The following TENM2 variants were observed in gnomAD, a reference collection of about 807,000 sequenced individuals.
TENM2 encodes teneurin-2.
A neutral mutation model predicts 245.2 loss-of-function variants in TENM2; 52 were observed. That is an observed-to-expected ratio of 0.21 (90% CI 0.17 to 0.27). TENM2 has a LOEUF of 0.27. Among genes scored for constraint, TENM2 ranks in the 10% least tolerant of loss-of-function variants. The pLI is 1.00. For missense variants in TENM2, 3,046 were observed against 3,666.8 expected (o/e 0.83, Z 4.37); for synonymous variants, 1,363 against 1,438.9 (o/e 0.95, Z 1.19).
At chr5:167,957,459 A>C (rs1295358691) in intron 4 of TENM2, among the ~76,000 whole-genome samples, 1 of 151,958 alleles carries the variant, frequency 6.6e-6, no homozygotes, top group Admixed American at 6.5e-5. Flanking sequence ...AGGGTTTTTC[A>C]TGTCTCTATC....
chr5:167,992,405 G>A (rs148336284), intron 4 of TENM2, among the ~76,000 whole-genome samples: 30 of 152,296 alleles, frequency 2.0e-4, no homozygotes, highest in Middle Eastern at 3.4e-3. Context: ...TTCAATAGTA[G>A]GTATCTAGCT....
chr5:167,431,970 T>TGTGTATATATATATATATAGAC (rs1554150945), intron 2 of TENM2, among the ~76,000 whole-genome samples: 2 of 135,530 alleles, frequency 1.5e-5, no homozygotes, highest in African/African-American at 5.7e-5. Flanking sequence ...TGTATATATA[T>TGTGTATATATATATATATAGAC]ATATATATGG....
chr5:167,649,693 C>T (rs1386942248), intron 2 of TENM2, among the ~76,000 whole-genome samples: 1 of 152,010 alleles, frequency 6.6e-6, no homozygotes, highest in Non-Finnish European at 1.5e-5. Flanking sequence ...TTGAGGAGTC[C>T]ATTAGTTACT....
chr5:167,676,603 G>A (rs1756347197), intron 2 of TENM2, among the ~76,000 whole-genome samples: 1 of 152,016 alleles, frequency 6.6e-6, no homozygotes, highest in South Asian at 2.1e-4. Context: ...ACGGTTAAGG[G>A]GTTTCATTCA....
At chr5:166,987,814 A>C in the TENM2 span, among the ~76,000 whole-genome samples, 3 of 152,158 alleles carry the variant, frequency 2.0e-5, no homozygotes, top group Non-Finnish European at 4.4e-5. Context: ...TTATTTCAAG[A>C]AGGGGTTTTG....
At chr5:167,399,861 A>T (rs1682994656) in intron 2 of TENM2, among the ~76,000 whole-genome samples, 1 of 152,172 alleles carries the variant, frequency 6.6e-6, no homozygotes, top group African/African-American at 2.4e-5. Context: ...TTTGAGCTAG[A>T]AGAACATTGT....
the TENM2 span, among the ~76,000 whole-genome samples, chr5:167,112,804 CG>C: frequency 6.6e-6 from 1 of 152,158 alleles, no homozygotes; most frequent in South Asian, 2.1e-4. Flanking sequence ...GCTTTCCTAA[CG>C]GAATATTGGA....
At chr5:167,392,496 C>A (rs1761814937) in intron 2 of TENM2, among the ~76,000 whole-genome samples, 1 of 152,112 alleles carries the variant, frequency 6.6e-6, no homozygotes, top group African/African-American at 2.4e-5. Flanking sequence ...TAAAGTGGGA[C>A]AGCGGTTTTC....
At chr5:167,381,464 G>T (rs190535237) in intron 2 of TENM2, among the ~76,000 whole-genome samples, 20 of 152,238 alleles carry the variant, frequency 1.3e-4, no homozygotes, top group African/African-American at 4.3e-4. Flanking sequence ...TGTTTAATTT[G>T]CTTAGTGCAG....
At chr5:167,919,988 T>A (rs1777228641) in intron 3 of TENM2, among the ~76,000 whole-genome samples, 1 of 152,152 alleles carries the variant, frequency 6.6e-6, no homozygotes, top group Non-Finnish European at 1.5e-5. Context: ...AGGACTCACA[T>A]CAGGGCATCT....
At chr5:168,202,106 T>C (rs1018820169) in intron 17 of TENM2, among the ~76,000 whole-genome samples, 1 of 152,246 alleles carries the variant, frequency 6.6e-6, no homozygotes, top group Non-Finnish European at 1.5e-5. Flanking sequence ...GCTCATTGCC[T>C]AGTCTGTCTG....
At chr5:167,258,203 A>ATATATATATACG in the TENM2 span, among the ~76,000 whole-genome samples, 5 of 141,912 alleles carry the variant, frequency 3.5e-5, no homozygotes, top group African/African-American at 8.1e-5. Context: ...GTTGCCATAT[A>ATATATATATACG]TATATATATA....
At chr5:167,156,788 A>T in the TENM2 span, among the ~76,000 whole-genome samples, 182 of 152,292 alleles carry the variant, frequency 1.2e-3, no homozygotes, top group African/African-American at 4.2e-3. Flanking sequence ...GAATAAAATG[A>T]CAATTTAAAA....
intron 2 of TENM2, among the ~76,000 whole-genome samples, chr5:167,582,422 G>C (rs1250261336): frequency 6.6e-6 from 1 of 152,028 alleles, no homozygotes; most frequent in Non-Finnish European, 1.5e-5. Flanking sequence ...CCTATCCTAT[G>C]TGATTTATAT....
chr5:167,365,368 A>G (rs577117115), intron 1 of TENM2, among the ~76,000 whole-genome samples: 16 of 150,034 alleles, frequency 1.1e-4, no homozygotes, highest in Non-Finnish European at 2.1e-4. Flanking sequence ...TACCGCAAGA[A>G]CCTAGAGAAG....
intron 2 of TENM2, among the ~76,000 whole-genome samples, chr5:167,723,956 C>T (rs1266482784): frequency 6.6e-6 from 1 of 152,196 alleles, no homozygotes; most frequent in Non-Finnish European, 1.5e-5. Context: ...AGTGTTCAGA[C>T]ACACTGAGGT....
intron 2 of TENM2, among the ~76,000 whole-genome samples, chr5:167,467,516 GA>G (rs10585036): frequency 6.0e-4 from 88 of 145,712 alleles, no homozygotes; most frequent in East Asian, 5.3e-3. Context: ...TCTTGTTTGA[GA>G]AAAAAAAAAA....
At chr5:168,094,596 A>G (rs1346464743) in intron 8 of TENM2, among the ~76,000 whole-genome samples, 1 of 151,996 alleles carries the variant, frequency 6.6e-6, no homozygotes, top group Non-Finnish European at 1.5e-5. Flanking sequence ...AGGGCCGCAG[A>G]TCAGTATTCA....
the TENM2 span, among the ~76,000 whole-genome samples, chr5:167,262,472 G>A: frequency 8.6e-5 from 13 of 151,996 alleles, no homozygotes; most frequent in African/African-American, 3.1e-4. Flanking sequence ...TAAAGATGGT[G>A]CAGATCAGCA....
Sources: gnomAD v4.1 joint callset for allele counts (sites outside exome capture counted in the v4.1 genomes callset) on GRCh38, gnomAD v4.1.1 for gene constraint, MANE v1.5 for transcripts, NCBI Gene and HGNC (gene_info 2026-07-23, HGNC 2026-07-21) for gene names.